The following GRIK3 variants were observed in gnomAD, a reference collection of about 807,000 sequenced individuals.
The protein encoded by GRIK3 is glutamate receptor ionotropic, kainate 3.
Under a neutral mutation model 102.5 loss-of-function variants are expected in GRIK3, and 29 were observed. The ratio of observed to expected loss-of-function variants is 0.28; its 90% CI spans 0.21 to 0.39. GRIK3 has a LOEUF of 0.39. Among genes scored for constraint, GRIK3 ranks in the 10% least tolerant of loss-of-function variants. The probability of loss-of-function intolerance (pLI) is 1.00; values close to 1 mark genes in which losing one functional copy is unlikely to be tolerated. For synonymous variants in GRIK3, 511 were observed against 504.9 expected, an observed-to-expected ratio of 1.01 and a Z score of -0.16; for missense variants, 908 against 1,252.4, an observed-to-expected ratio of 0.73 and a Z score of 4.15.
In GRIK3 at chr1:36,990,700, G is replaced by T. The variant is rs140723522; in HGVS notation, c.115+43294C>A. Among the ~76,000 whole-genome samples, 175 of 152,304 alleles carry T rather than the reference G, an allele frequency of 1.1e-3. 1 individual carries two copies. Among genetic ancestry groups the T allele is most frequent in the Non-Finnish European group, 2.0e-3 (137 of 68,042 alleles). Reference sequence around the variant, plus strand: ...GAGCTTGAGATAAAGGGATGGGAGGGTGACTATAGATGCAGTCACAAGGGG... The same window carrying T: ...GAGCTTGAGATAAAGGGATGGGAGGTTGACTATAGATGCAGTCACAAGGGG... On this transcript the variant is annotated intron_variant, in intron 1 of 15. Coordinates refer to ENST00000373091, the MANE Select transcript of GRIK3 (RefSeq NM_000831.4).
At chr1:36,911,888 C>G (rs1641349300) in intron 1 of GRIK3, among the ~76,000 whole-genome samples, 1 of 152,068 alleles carries the variant, frequency 6.6e-6, no homozygotes, top group African/African-American at 2.4e-5. Flanking sequence ...CGGGCCTCCC[C>G]CAGACACTGG....
At chr1:36,989,407 G>A (rs1203302392) in intron 1 of GRIK3, among the ~76,000 whole-genome samples, 5 of 152,234 alleles carry the variant, frequency 3.3e-5, no homozygotes, top group Non-Finnish European at 7.3e-5. Flanking sequence ...TTCTGTCTGT[G>A]CTGGGGAGGA....
chr1:36,912,260 A>T (rs1641353130), intron 1 of GRIK3, among the ~76,000 whole-genome samples: 1 of 151,994 alleles, frequency 6.6e-6, no homozygotes. Flanking sequence ...AGCTTCCACG[A>T]TCTCTGATAC....
At chr1:36,926,987 T>C (rs1641534133) in intron 1 of GRIK3, among the ~76,000 whole-genome samples, 1 of 152,214 alleles carries the variant, frequency 6.6e-6, no homozygotes, top group African/African-American at 2.4e-5. Context: ...TTTTCTAAAG[T>C]TGAACAGACA....
chr1:36,868,442 G>T (rs578119858), intron 5 of GRIK3, among the ~76,000 whole-genome samples: 1 of 152,192 alleles, frequency 6.6e-6, no homozygotes, highest in Non-Finnish European at 1.5e-5. Context: ...AGAATCGCAG[G>T]GTGGCTCCTG....
At chr1:36,942,440 G>A (rs996875294) in intron 1 of GRIK3, among the ~76,000 whole-genome samples, 2 of 152,206 alleles carry the variant, frequency 1.3e-5, no homozygotes, top group Admixed American at 6.5e-5. Flanking sequence ...CTTGAAACAC[G>A]TTTTCAGTGA....
intron 1 of GRIK3, among the ~76,000 whole-genome samples, chr1:36,978,046 T>C (rs1642212801): frequency 6.6e-6 from 1 of 152,272 alleles, no homozygotes; most frequent in Non-Finnish European, 1.5e-5. Flanking sequence ...GCATTATGTC[T>C]TTGTTATGCT....
chr1:36,809,103 C>A (rs570520091), intron 13 of GRIK3, among the ~76,000 whole-genome samples: 4 of 152,184 alleles, frequency 2.6e-5, no homozygotes, highest in Non-Finnish European at 5.9e-5. Flanking sequence ...AGCAATCAGA[C>A]CTCCTAATGC....
intron 1 of GRIK3, among the ~76,000 whole-genome samples, chr1:36,907,768 G>T (rs988003211): frequency 6.6e-6 from 1 of 152,084 alleles, no homozygotes; most frequent in African/African-American, 2.4e-5. Flanking sequence ...TGCAAAGGCT[G>T]AATATCATGG....
chr1:36,820,696 A>G (rs74922142), intron 11 of GRIK3, among the ~76,000 whole-genome samples: 2,667 of 152,366 alleles, frequency 0.018, 87 homozygotes, highest in African/African-American at 0.061. Context: ...ATATTCAGAC[A>G]GTATAGATGA....
chr1:36,812,434 T>G (rs1164826780), intron 13 of GRIK3, among the ~76,000 whole-genome samples: 1 of 152,214 alleles, frequency 6.6e-6, no homozygotes, highest in Non-Finnish European at 1.5e-5. Context: ...TTCAAAGCTG[T>G]GCAGCCCTCC....
At chr1:36,984,755 C>A (rs192615930) in intron 1 of GRIK3, among the ~76,000 whole-genome samples, 2 of 152,236 alleles carry the variant, frequency 1.3e-5, no homozygotes, top group African/African-American at 4.8e-5. Flanking sequence ...GGTGCCCCCA[C>A]GCTGGGATCA....
chr1:36,941,944 C>A (rs557954998), intron 1 of GRIK3, among the ~76,000 whole-genome samples: 1 of 152,198 alleles, frequency 6.6e-6, no homozygotes, highest in African/African-American at 2.4e-5. Context: ...CTGTTTCCAC[C>A]TTGCAGATGC....
At chr1:36,863,299 G>A (rs1164519961) in intron 5 of GRIK3, among the ~76,000 whole-genome samples, 1 of 152,008 alleles carries the variant, frequency 6.6e-6, no homozygotes, top group South Asian at 2.1e-4. Flanking sequence ...CCACTGCCAG[G>A]GCAGTCACCC....
At chr1:36,974,342 C>G (rs1027236291) in intron 1 of GRIK3, among the ~76,000 whole-genome samples, 2 of 152,136 alleles carry the variant, frequency 1.3e-5, no homozygotes, top group Admixed American at 1.3e-4. Flanking sequence ...AGTTATGTAC[C>G]TATGGGTTAA....
chr1:36,902,484 GA>G (rs1471447911), intron 1 of GRIK3, among the ~76,000 whole-genome samples: 1 of 152,130 alleles, frequency 6.6e-6, no homozygotes, highest in Non-Finnish European at 1.5e-5. Flanking sequence ...GTGGAGAAAA[GA>G]AAGACTTTTC....
chr1:36,854,174 C>A (rs533756984), intron 7 of GRIK3, among the ~76,000 whole-genome samples: 45 of 152,332 alleles, frequency 3.0e-4, no homozygotes, highest in Admixed American at 1.8e-3. Context: ...AATCACCCCC[C>A]AACCTCCCAG....
intron 1 of GRIK3, among the ~76,000 whole-genome samples, chr1:36,936,762 G>C (rs550330753): frequency 2.3e-4 from 35 of 152,298 alleles, no homozygotes; most frequent in African/African-American, 8.4e-4. Flanking sequence ...TGGCATGCTA[G>C]GGGCTGTTAA....
chr1:37,030,755 G>T (rs1404905690), intron 1 of GRIK3, among the ~76,000 whole-genome samples: 5 of 152,030 alleles, frequency 3.3e-5, no homozygotes. Flanking sequence ...AACATGAGGA[G>T]AGAACTAACC....
Sources: gnomAD v4.1 joint callset for allele counts (sites outside exome capture counted in the v4.1 genomes callset) on GRCh38, gnomAD v4.1.1 for gene constraint, MANE v1.5 for transcripts, NCBI Gene and HGNC (gene_info 2026-07-23, HGNC 2026-07-21) for gene names.